Variants in CPEB3 observed in about 807,000 individuals in gnomAD.
CPEB3 encodes the protein cytoplasmic polyadenylation element-binding protein 3.
Under a neutral mutation model 67.2 loss-of-function variants are expected in CPEB3, and 20 were observed. The ratio of observed to expected loss-of-function variants is 0.30; its 90% CI spans 0.21 to 0.43. The LOEUF (loss-of-function observed/expected upper bound fraction) is 0.43. Among genes scored for constraint, CPEB3 ranks in the 20% least tolerant of loss-of-function variants. The pLI, the probability that CPEB3 is intolerant of heterozygous loss-of-function variation, is 1.00. For synonymous variants in CPEB3, 376 were observed against 393.1 expected (o/e 0.96, Z 0.51); for missense variants, 746 against 968.6 (o/e 0.77, Z 3.05).
At chr10:92,194,993 G>A (rs959370005) in intron 2 of CPEB3, among the ~76,000 whole-genome samples, 9 of 151,420 alleles carry the variant, frequency 5.9e-5, no homozygotes, top group South Asian at 2.1e-4. Flanking sequence ...GCAGTGAGCC[G>A]AGATCGCGCC....
chr10:92,239,222 G>T lies in CPEB3; in HGVS notation c.1005+124C>A. On this transcript the variant is annotated intron_variant, in intron 2 of 9. Coordinates refer to ENST00000265997, the MANE Select transcript of CPEB3 (RefSeq NM_014912.5). The surrounding 1 kb of genome is among the most constrained non-coding windows in gnomAD (Gnocchi z 6.0). ...CCCTAAAGAACTGGAGGCTTCGGAA[G>T]GGGAAAGAGGAGCTGGACATTGCTG... 9.3e-7 allele frequency: 1 copy of T among 1,075,466 alleles called. No homozygotes were observed. Among genetic ancestry groups the T allele is most frequent in the Non-Finnish European group, 1.3e-6 (1 of 749,718 alleles). The allele number at this position is 1,075,466 out of a possible 1,614,324, so 66.6% of individuals were successfully genotyped here.
chr10:92,289,795 T>G (rs1842744185), intron 1 of CPEB3, among the ~76,000 whole-genome samples: 1 of 141,498 alleles, frequency 7.1e-6, no homozygotes, highest in South Asian at 2.2e-4. Context: ...GTATTATATA[T>G]TATAAATGTA....
chr10:92,075,821 T>C (rs1239906821), intron 9 of CPEB3, among the ~76,000 whole-genome samples: 1 of 152,110 alleles, frequency 6.6e-6, no homozygotes, highest in Non-Finnish European at 1.5e-5. Flanking sequence ...TCGCCAAAGA[T>C]CAACAACAAC....
chr10:92,071,608 GC>G (rs1373861874), intron 9 of CPEB3, among the ~76,000 whole-genome samples: 2 of 151,734 alleles, frequency 1.3e-5, no homozygotes, highest in Non-Finnish European at 2.9e-5. Context: ...GGTGGCAGGC[GC>G]CTGTAATCCC....
chr10:92,182,825 C>CAAAAAA (rs781545538), intron 3 of CPEB3, among the ~76,000 whole-genome samples: 6 of 49,150 alleles, frequency 1.2e-4, no homozygotes, highest in East Asian at 6.6e-4. Flanking sequence ...GACTCCGTCT[C>CAAAAAA]AAAAAAAAAA....
At chr10:92,267,214 G>A (rs1255767355) in intron 1 of CPEB3, among the ~76,000 whole-genome samples, 1 of 152,156 alleles carries the variant, frequency 6.6e-6, no homozygotes, top group Admixed American at 6.6e-5. Context: ...GCACCACATA[G>A]TAAATATTTT....
Position 92,091,952 on chromosome 10 carries a change from A to T in CPEB3, c.1573-8T>A. ...CCATGGTCGAATTTGCACCTGAAAA[A>T]AAGTTGTTTACTTGGTCCTTACTTC... On this transcript the variant is annotated splice_region_variant and splice_polypyrimidine_tract_variant and intron_variant, in intron 7 of 9. Coordinates refer to ENST00000265997, the MANE Select transcript of CPEB3 (RefSeq NM_014912.5). The T allele has an allele frequency of 6.3e-7, 1 of 1,584,538 alleles. No homozygotes were observed. The highest frequency in any genetic ancestry group is 8.7e-7 in the Non-Finnish European group (1 of 1,153,838).
intron 2 of CPEB3, among the ~76,000 whole-genome samples, chr10:92,221,485 T>C (rs1850696422): frequency 6.6e-6 from 1 of 152,090 alleles, no homozygotes; most frequent in Non-Finnish European, 1.5e-5. Context: ...AGAGCAAGAC[T>C]CCATCTCAAA....
chr10:92,206,132 C>T lies in CPEB3; in HGVS notation c.1006-13496G>A, dbSNP rs530402615. On this transcript the variant is annotated intron_variant, in intron 2 of 9. Transcript: ENST00000265997. ...GCTGGTCCAAGCTGGAGTGCAATGG[C>T]GCAATCTCGGCTCACCATAACCTCC... 6.5e-3 allele frequency among the ~76,000 whole-genome samples: 968 copies of T among 148,920 alleles called. 15 individuals are homozygous for T. Among genetic ancestry groups the T allele is most frequent in the Non-Finnish European group, 4.7e-3 (315 of 67,622 alleles).
rs769749643 is a variant in CPEB3 at position 92,276,277 on chromosome 10, C to CT, written c.-12+14648dup. Among the ~76,000 whole-genome samples the CT allele has an allele frequency of 6.1e-3, 662 of 108,244 alleles. 10 individuals carry two copies. Among genetic ancestry groups the CT allele is most frequent in the Non-Finnish European group, 9.3e-3 (530 of 57,030 alleles). The allele number at this position is 108,244 out of a possible 152,430, so 71.0% of individuals were successfully genotyped here. ...GAATAATGCTGCTTTTTTTTCTTTT[C>CT]TTTTTTTTTTTTTTTTTTGAGATGG... is the stretch of plus-strand genomic sequence containing the variant. On this transcript the variant is annotated intron_variant, in intron 1 of 9. Transcript: ENST00000265997.
intron 2 of CPEB3, among the ~76,000 whole-genome samples, chr10:92,215,281 T>TAATCCC (rs1850302257): frequency 2.0e-5 from 3 of 151,676 alleles, no homozygotes; most frequent in Non-Finnish European, 4.4e-5. Flanking sequence ...GCCTCCTAAG[T>TAATCCC]AGCTGGGATT....
chr10:92,232,757 CA>C (rs370945253), intron 2 of CPEB3, among the ~76,000 whole-genome samples: 33,574 of 121,856 alleles, frequency 0.28, 4,175 homozygotes, highest in Middle Eastern at 0.41. Context: ...AACTCCATCT[CA>C]AAAAAAAAAA....
intron 9 of CPEB3, among the ~76,000 whole-genome samples, chr10:92,075,191 C>T (rs1301765180): frequency 6.6e-6 from 1 of 152,170 alleles, no homozygotes; most frequent in African/African-American, 2.4e-5. Flanking sequence ...ACTCTAATCA[C>T]AGTAATAGCA....
At chr10:92,193,407 C>T (rs972014599) in intron 2 of CPEB3, among the ~76,000 whole-genome samples, 1 of 152,060 alleles carries the variant, frequency 6.6e-6, no homozygotes, top group South Asian at 2.1e-4. Context: ...CACCCAATAA[C>T]CTTATTGTCA....
chr10:92,188,346 A>C (rs1034929621), intron 3 of CPEB3, among the ~76,000 whole-genome samples: 78 of 149,668 alleles, frequency 5.2e-4, no homozygotes, highest in African/African-American at 1.5e-3. Context: ...AAAAAAAAAA[A>C]AAAAAACCCA....
intron 2 of CPEB3, among the ~76,000 whole-genome samples, chr10:92,231,742 C>CA (rs1262744016): frequency 6.6e-6 from 1 of 152,076 alleles, no homozygotes; most frequent in African/African-American, 2.4e-5. Flanking sequence ...CTTTTTAAGA[C>CA]AGAGTCTTGC....
At chr10:92,087,908 A>G (rs943937092) in intron 8 of CPEB3, among the ~76,000 whole-genome samples, 2 of 152,164 alleles carry the variant, frequency 1.3e-5, no homozygotes, top group Admixed American at 6.5e-5. Flanking sequence ...ACTCTAAAGA[A>G]TATGCGAGCT....
In CPEB3 at chr10:92,091,948, A is replaced by G; in HGVS notation, c.1573-4T>C. On this transcript the variant is annotated splice_region_variant and splice_polypyrimidine_tract_variant and intron_variant, in intron 7 of 9. Transcript: ENST00000265997. Reference sequence around the variant, plus strand: ...GGTTCCATGGTCGAATTTGCACCTGAAAAAAAGTTGTTTACTTGGTCCTTA... The same window carrying G: ...GGTTCCATGGTCGAATTTGCACCTGGAAAAAAGTTGTTTACTTGGTCCTTA... 6.3e-7 allele frequency: 1 copy of G among 1,594,342 alleles called. No homozygotes were observed. The highest frequency in any genetic ancestry group is 1.1e-5 in the South Asian group (1 of 90,422).
intron 1 of CPEB3, among the ~76,000 whole-genome samples, chr10:92,270,247 T>C (rs1428764380): frequency 1.3e-5 from 2 of 152,174 alleles, no homozygotes; most frequent in Non-Finnish European, 2.9e-5. Flanking sequence ...TAAAATGCTA[T>C]GAAAAAGTAG....
Sources: allele counts gnomAD v4.1 joint callset (sites outside exome capture counted in the v4.1 genomes callset), GRCh38; gene constraint gnomAD v4.1.1; non-coding constraint Gnocchi (gnomAD v3.1); transcripts MANE v1.5; gene names NCBI Gene and HGNC (gene_info 2026-07-23, HGNC 2026-07-21).